Variants in ANAPC5 observed in about 807,000 individuals in gnomAD.
The protein encoded by ANAPC5 is anaphase promoting complex subunit 5, also known as anaphase-promoting complex subunit 5.
ANAPC5 carries 60 observed loss-of-function variants against 91.3 expected under a neutral mutation model. That is an observed-to-expected ratio of 0.66 (90% confidence interval 0.53 to 0.81). The LOEUF (loss-of-function observed/expected upper bound fraction) is 0.81. ANAPC5 is among the 40% of genes least tolerant of loss of function. The pLI, the probability that ANAPC5 is intolerant of heterozygous loss-of-function variation, is 0.00. For missense variants in ANAPC5, 690 were observed against 931.5 expected, an observed-to-expected ratio of 0.74 and a Z score of 3.37; for synonymous variants, 340 against 364.1, an observed-to-expected ratio of 0.93 and a Z score of 0.75.
chr12:121,344,145 A>G (rs186377495), intron 4 of ANAPC5, among the ~76,000 whole-genome samples: 3 of 152,304 alleles, frequency 2.0e-5, no homozygotes, highest in African/African-American at 7.2e-5. Context: ...TCTACTAAAC[A>G]CTGGGGAAAT....
intron 15 of ANAPC5, among the ~76,000 whole-genome samples, chr12:121,312,559 T>C (rs1304283254): frequency 1.3e-5 from 2 of 151,264 alleles, no homozygotes; most frequent in Admixed American, 6.6e-5. Flanking sequence ...AAAAAAAAAT[T>C]AGCCTGGTGT....
At chr12:121,328,132 T>C (rs782190228) in intron 10 of ANAPC5, 184 bp downstream of exon 10, 39 of 565,312 alleles carry the variant, frequency 6.9e-5, no homozygotes, top group Middle Eastern at 9.6e-4. Flanking sequence ...GGAACATGCA[T>C]GGGAAAAAAG....
chr12:121,341,917 G>A lies in ANAPC5; in HGVS notation c.657+86C>T, dbSNP rs936971781. 153 of 1,021,604 alleles carry A rather than the reference G, an allele frequency of 1.5e-4. 1 individual carries two copies. Among genetic ancestry groups the A allele is most frequent in the Middle Eastern group, 2.1e-4 (1 of 4,814 alleles). 63.3% of individuals were successfully genotyped at this position (1,021,604 alleles called of 1,614,324 possible). ...TGACCAACAAACCTATGCACATAAC[G>A]GGCCTATGCCACAACACACATCACA... On this transcript the variant is annotated intron_variant, in intron 5 of 16. Transcript: ENST00000261819.
At chr12:121,327,537 G>A (rs747862369) in intron 10 of ANAPC5, 6 of 324,740 alleles carry the variant, frequency 1.8e-5, no homozygotes, top group Non-Finnish European at 3.2e-5. Flanking sequence ...TAGTTTTCAC[G>A]GGTGAATTCA....
chr12:121,347,591 A>C (rs1339120278), intron 2 of ANAPC5: 1 of 549,350 alleles, frequency 1.8e-6, no homozygotes, highest in Non-Finnish European at 3.2e-6. Flanking sequence ...TGATTGCACC[A>C]TTGTACTCCA....
At chr12:121,346,811 T>C (rs1903683341) in intron 3 of ANAPC5, 85 bp downstream of exon 3, 1 of 758,772 alleles carries the variant, frequency 1.3e-6, no homozygotes, top group Non-Finnish European at 2.1e-6. Context: ...TGTTCACAGA[T>C]ATAGCAGAAC....
intron 12 of ANAPC5, among the ~76,000 whole-genome samples, chr12:121,320,160 G>T (rs1471963536): frequency 6.6e-6 from 1 of 151,944 alleles, no homozygotes; most frequent in East Asian, 1.9e-4. Context: ...TCTCATTCAG[G>T]TTTTTTATAC....
At chr12:121,327,320 TAA>T in intron 10 of ANAPC5, 89 bp from the exon 11 acceptor site, 1 of 1,514,602 alleles carries the variant, frequency 6.6e-7, no homozygotes, top group South Asian at 1.2e-5. Context: ...AGTGGAGGCG[TAA>T]AGTCATACAC....
chr12:121,310,732 G>A (rs1330442642), intron 15 of ANAPC5, among the ~76,000 whole-genome samples: 2 of 151,632 alleles, frequency 1.3e-5, no homozygotes, highest in Non-Finnish European at 2.9e-5. Context: ...TCAGGGGTTC[G>A]AGACCAGCCT....
At chr12:121,347,494 G>A (rs1555274817) in intron 2 of ANAPC5, 1 of 320,200 alleles carries the variant, frequency 3.1e-6, no homozygotes, top group African/African-American at 2.2e-5. Flanking sequence ...AGCCAGGTTT[G>A]GTGGTGTATG....
chr12:121,331,805 T>C (rs1011214605), intron 7 of ANAPC5: 22 of 155,754 alleles, frequency 1.4e-4, no homozygotes, highest in Admixed American at 1.4e-3. Context: ...TATGTGCATT[T>C]GTTACTTTTA....
intron 15 of ANAPC5, among the ~76,000 whole-genome samples, chr12:121,311,086 A>G (rs935768287): frequency 6.6e-6 from 1 of 152,112 alleles, no homozygotes; most frequent in East Asian, 1.9e-4. Context: ...CTGTAGATTA[A>G]AAGACACAAA....
intron 11 of ANAPC5, among the ~76,000 whole-genome samples, chr12:121,322,823 G>A (rs2136773672): frequency 6.6e-6 from 1 of 152,228 alleles, no homozygotes; most frequent in Non-Finnish European, 1.5e-5. Flanking sequence ...AGAAGTTTGA[G>A]ACCAGCCTGG....
chr12:121,352,033 G>T, intron 1 of ANAPC5, 101 bp downstream of exon 1: 2 of 1,063,762 alleles, frequency 1.9e-6, no homozygotes, highest in Non-Finnish European at 2.6e-6. Flanking sequence ...GGCAGGGAGA[G>T]TATCTGATGG....
chr12:121,338,216 T>C (rs914648488), intron 5 of ANAPC5, among the ~76,000 whole-genome samples: 2 of 151,904 alleles, frequency 1.3e-5, no homozygotes, highest in Non-Finnish European at 1.5e-5. Context: ...CTCATCTCTA[T>C]TTAAAAATAA....
chr12:121,311,559 ACAGTATCT>A (rs1203418361), intron 15 of ANAPC5, among the ~76,000 whole-genome samples: 1 of 152,204 alleles, frequency 6.6e-6, no homozygotes, highest in African/African-American at 2.4e-5. Flanking sequence ...TAGGCCAGGC[ACAGTATCT>A]CATGCCTGTA....
At chr12:121,332,383 T>C (rs1160703444) in intron 7 of ANAPC5, 6 of 152,212 alleles carry the variant, frequency 3.9e-5, no homozygotes, top group African/African-American at 1.4e-4. Flanking sequence ...ACCTTTCTAT[T>C]TAACCAGAGA....
In ANAPC5 at chr12:121,346,390, C is replaced by T. The variant is rs188407170; in HGVS notation, c.398-359G>A. ...GAAATTCCATGTCTATCTTACACGT[C>T]CAGAGCCTGGCACATAGGAAGAGAG... On this transcript the variant is annotated intron_variant, in intron 3 of 16. Coordinates refer to ENST00000261819, the MANE Select transcript of ANAPC5 (RefSeq NM_016237.5). The T allele has an allele frequency of 1.7e-3, 332 of 195,244 alleles. 1 individual carries two copies. The highest frequency in any genetic ancestry group is 0.013 in the South Asian group (79 of 5,886). 12.1% of individuals were successfully genotyped at this position (195,244 alleles called of 1,614,324 possible).
chr12:121,353,855 T>TA (rs782735823), upstream of ANAPC5, among the ~76,000 whole-genome samples: 1 of 151,982 alleles, frequency 6.6e-6, no homozygotes, highest in East Asian at 1.9e-4. Context: ...AGCCTCCAGT[T>TA]AAAGTAGGTA....
Sources: allele counts gnomAD v4.1 joint callset (sites outside exome capture counted in the v4.1 genomes callset), GRCh38; gene constraint gnomAD v4.1.1; transcripts MANE v1.5; gene names NCBI Gene and HGNC (gene_info 2026-07-23, HGNC 2026-07-21).